PTN: variants seen among roughly 807,000 people sequenced by gnomAD.
The protein encoded by PTN is heparin affin regulatory protein.
In PTN, 18 loss-of-function variants were observed where a neutral mutation model predicts 24.1. The ratio of observed to expected loss-of-function variants is 0.75; its 90% CI spans 0.52 to 1.11. The LOEUF (loss-of-function observed/expected upper bound fraction) is 1.11, where lower values mean the gene tolerates loss of function less well. Among genes scored for constraint, PTN ranks in the 50% least tolerant of loss-of-function variants. PTN has a pLI of 0.00. For missense variants in PTN, 163 were observed against 198.8 expected, an observed-to-expected ratio of 0.82 and a Z score of 1.08; for synonymous variants, 78 against 68.6, an observed-to-expected ratio of 1.14 and a Z score of -0.67.
intron 1 of PTN, among the ~76,000 whole-genome samples, chr7:137,260,058 C>T (rs1809006686): frequency 6.6e-6 from 1 of 152,000 alleles, no homozygotes; most frequent in Non-Finnish European, 1.5e-5. Flanking sequence ...CAAAACATGG[C>T]ATTAAACAGA....
intron 1 of PTN, among the ~76,000 whole-genome samples, chr7:137,340,585 T>A (rs1207627495): frequency 6.6e-6 from 1 of 152,210 alleles, no homozygotes; most frequent in Non-Finnish European, 1.5e-5. Context: ...AAGGTTCATA[T>A]CTGAGTATCA....
chr7:137,261,074 T>G (rs1809029702), intron 1 of PTN, among the ~76,000 whole-genome samples: 1 of 152,124 alleles, frequency 6.6e-6, no homozygotes, highest in South Asian at 2.1e-4. Flanking sequence ...ATACAGCCAA[T>G]CACTTTTTCT....
At position 137,254,161 on chromosome 7, in the gene PTN, G is replaced by C. The variant is rs536106378; in HGVS notation, c.116-524C>G. Among the ~76,000 whole-genome samples the C allele has an allele frequency of 3.9e-5, 6 of 152,148 alleles. No homozygotes were observed. The South Asian group carries it at 1.2e-3, about 32-fold the overall frequency. ...AAAAATACAAAAATTAGCTGGGCGTGGTGGTGCATGCCTGCAGCCCCAGCT... is the reference window on the plus strand; with the variant it reads ...AAAAATACAAAAATTAGCTGGGCGTCGTGGTGCATGCCTGCAGCCCCAGCT... On this transcript the variant is annotated intron_variant, in intron 2 of 4. Coordinates refer to ENST00000348225, the MANE Select transcript of PTN (RefSeq NM_002825.7).
chr7:137,261,127 A>G (rs1232035370), intron 1 of PTN, among the ~76,000 whole-genome samples: 1 of 151,856 alleles, frequency 6.6e-6, no homozygotes, highest in Non-Finnish European at 1.5e-5. Context: ...TTCATATTTG[A>G]TAGGTTTTAA....
At chr7:137,328,484 G>A (rs533051744) in intron 1 of PTN, among the ~76,000 whole-genome samples, 3 of 152,278 alleles carry the variant, frequency 2.0e-5, no homozygotes, top group African/African-American at 7.2e-5. Context: ...GGAAACTGTA[G>A]CAGGATTTTT....
chr7:137,322,686 T>C (rs1284812614), intron 1 of PTN, among the ~76,000 whole-genome samples: 1 of 152,204 alleles, frequency 6.6e-6, no homozygotes, highest in East Asian at 1.9e-4. Flanking sequence ...CAAGAGTCAT[T>C]AGAACAGCTT....
chr7:137,303,090 T>A (rs1424192148), intron 1 of PTN, among the ~76,000 whole-genome samples: 1 of 152,042 alleles, frequency 6.6e-6, no homozygotes. Flanking sequence ...TTTTTCATTG[T>A]TGCTGTCGTA....
At chr7:137,249,272 C>CGTGTGTGTGTGTGTGTGT (rs60014659) in intron 4 of PTN, among the ~76,000 whole-genome samples, 5 of 145,372 alleles carry the variant, frequency 3.4e-5, no homozygotes, top group African/African-American at 1.0e-4. Context: ...GGACAGTGCA[C>CGTGTGTGTGTGTGTGTGT]GTGTGTGTGT....
At chr7:137,265,374 G>A (rs955037790) in intron 1 of PTN, among the ~76,000 whole-genome samples, 1 of 152,164 alleles carries the variant, frequency 6.6e-6, no homozygotes, top group African/African-American at 2.4e-5. Flanking sequence ...TCGGCAGAGT[G>A]CCCAGTAAAG....
At chr7:137,258,487 C>T (rs1174269645) in intron 1 of PTN, among the ~76,000 whole-genome samples, 2 of 152,152 alleles carry the variant, frequency 1.3e-5, no homozygotes, top group Non-Finnish European at 2.9e-5. Context: ...CTCTTCTCCC[C>T]TTCCTTCTAT....
chr7:137,324,433 A>AAATATATATATATATATATATAT, intron 1 of PTN, among the ~76,000 whole-genome samples: 3 of 88,804 alleles, frequency 3.4e-5, no homozygotes, highest in Admixed American at 3.0e-4. Flanking sequence ...AAAAAAAAAA[A>AAATATATATATATATATATATAT]ATATATATAT....
intron 1 of PTN, among the ~76,000 whole-genome samples, chr7:137,277,449 C>A (rs973857977): frequency 6.6e-6 from 1 of 152,172 alleles, no homozygotes; most frequent in Non-Finnish European, 1.5e-5. Flanking sequence ...CTAAGGCATA[C>A]ACAAATGTTT....
At chr7:137,278,367 A>ACTTGTC (rs1809406447) in intron 1 of PTN, among the ~76,000 whole-genome samples, 3 of 150,012 alleles carry the variant, frequency 2.0e-5, no homozygotes, top group African/African-American at 7.3e-5. Flanking sequence ...CCAGATTGTC[A>ACTTGTC]AATTAGATAA....
chr7:137,274,297 A>C (rs1809324924), intron 1 of PTN, among the ~76,000 whole-genome samples: 1 of 152,214 alleles, frequency 6.6e-6, no homozygotes, highest in Admixed American at 6.5e-5. Flanking sequence ...AAATACATTT[A>C]AAGGCCACTG....
At chr7:137,320,310 G>C (rs1810142371) in intron 1 of PTN, among the ~76,000 whole-genome samples, 1 of 152,128 alleles carries the variant, frequency 6.6e-6, no homozygotes, top group Non-Finnish European at 1.5e-5. Context: ...CCCACACATA[G>C]GACTGTAAAA....
chr7:137,298,943 T>C (rs1809761679), intron 1 of PTN, among the ~76,000 whole-genome samples: 1 of 151,934 alleles, frequency 6.6e-6, no homozygotes, highest in Admixed American at 6.6e-5. Context: ...AGGTAAGACT[T>C]GGTGAGCTTT....
chr7:137,232,458 G>C (rs1325203542), intron 4 of PTN, among the ~76,000 whole-genome samples: 1 of 151,780 alleles, frequency 6.6e-6, no homozygotes, highest in Non-Finnish European at 1.5e-5. Flanking sequence ...CTTTGTGGGG[G>C]GTTTTTAAAT....
chr7:137,292,811 G>C (rs138492528), intron 1 of PTN, among the ~76,000 whole-genome samples: 7 of 152,142 alleles, frequency 4.6e-5, no homozygotes, highest in Non-Finnish European at 8.8e-5. Context: ...ACACATGTGG[G>C]ACGCACAGAA....
intron 1 of PTN, among the ~76,000 whole-genome samples, chr7:137,316,027 A>C (rs1810065927): frequency 6.6e-6 from 1 of 152,086 alleles, no homozygotes; most frequent in African/African-American, 2.4e-5. Flanking sequence ...TGCTCTGATC[A>C]TTTCTTGTGC....
Sources: allele counts gnomAD v4.1 joint callset (sites outside exome capture counted in the v4.1 genomes callset), GRCh38; gene constraint gnomAD v4.1.1; transcripts MANE v1.5; gene names NCBI Gene and HGNC (gene_info 2026-07-23, HGNC 2026-07-21).